Variants in EPHA10 observed in about 807,000 individuals in gnomAD.
EPHA10 encodes EPH receptor A10, also known as ephrin type-A receptor 10.
EPHA10 carries 120 observed loss-of-function variants against 109.7 expected under a neutral mutation model. That is an observed-to-expected ratio of 1.09 (90% confidence interval 0.94 to 1.27). The LOEUF (loss-of-function observed/expected upper bound fraction) is 1.27. EPHA10 is among the 50% of genes most tolerant of loss of function. The probability of loss-of-function intolerance (pLI) is 0.00; values close to 1 mark genes in which losing one functional copy is unlikely to be tolerated. For missense variants in EPHA10, 1,396 were observed against 1,411.1 expected, an observed-to-expected ratio of 0.99 and a Z score of 0.17; for synonymous variants, 640 against 618.9, an observed-to-expected ratio of 1.03 and a Z score of -0.51.
chr1:37,753,228 T>G lies in EPHA10; in HGVS notation c.1007-2A>C, dbSNP rs975356339. On this transcript the variant is annotated splice_acceptor_variant, in intron 4 of 16. Transcript: ENST00000373048. LOFTEE classifies it high-confidence loss of function. ...GGTCCCGCGGCGCCGACGGCGGCCC[T>G]GAGGCGGCACAGGGGCGGGGCGGTC... is the stretch of plus-strand genomic sequence containing the variant. The G allele has an allele frequency of 8.2e-7, 1 of 1,215,274 alleles. No individual in the cohort carries two copies. The highest frequency in any genetic ancestry group is 1.9e-5 in the African/African-American group (1 of 52,410). The allele number at this position is 1,215,274 out of a possible 1,614,324, so 75.3% of individuals were successfully genotyped here.
chr1:37,735,568 G>A (rs1646057545), intron 5 of EPHA10, among the ~76,000 whole-genome samples, 178 bp from the exon 6 acceptor site: 1 of 152,120 alleles, frequency 6.6e-6, no homozygotes, highest in African/African-American at 2.4e-5. Flanking sequence ...CAAAGGAGAG[G>A]AGTCTGTGGG....
intron 7 of EPHA10, among the ~76,000 whole-genome samples, chr1:37,728,050 C>T (rs986818277): frequency 6.6e-6 from 1 of 152,112 alleles, no homozygotes; most frequent in Non-Finnish European, 1.5e-5. Context: ...AGCAGAGGCA[C>T]AATAATTTCT....
rs887880738 is a variant in EPHA10, at chr1:37,764,209, C to G, written c.106+752G>C. On this transcript the variant is annotated intron_variant, in intron 1 of 16. Transcript: ENST00000373048. This position sits in a 1 kb window ranked among gnomAD's most constrained non-coding sequence, Gnocchi z 5.8. ...AGGACCGCCGACGGCTTTCCGAGAT[C>G]CGCGCAACTGACAGCACATCGGAAT... 4.6e-5 allele frequency among the ~76,000 whole-genome samples: 7 copies of G among 152,142 alleles called. No individual in the cohort carries two copies. Among genetic ancestry groups the G allele is most frequent in the African/African-American group, 1.7e-4 (7 of 41,428 alleles).
chr1:37,753,818 A>C (rs1485871805), intron 4 of EPHA10, among the ~76,000 whole-genome samples: 4 of 150,328 alleles, frequency 2.7e-5, no homozygotes, highest in Admixed American at 2.0e-4. Context: ...GCAGTTGGTG[A>C]GGATTTGGGA....
In EPHA10 at chr1:37,753,142, T is replaced by G; in HGVS notation, c.1091A>C (p.Asp364Ala). 2.1e-6 allele frequency: 3 copies of G among 1,406,822 alleles called. No individual in the cohort carries two copies. Among genetic ancestry groups the G allele is most frequent in the Non-Finnish European group, 2.8e-6 (3 of 1,080,250 alleles). 87.1% of individuals were successfully genotyped at this position (1,406,822 alleles called of 1,614,324 possible). The change falls in exon 5 of 17, where the codon GAC becomes GCC. Residue 364 changes from aspartate to alanine, a missense_variant. Coordinates refer to ENST00000373048, the MANE Select transcript of EPHA10 (RefSeq NM_001099439.2). Reference sequence around the variant, plus strand: ...GGTGACGTCCGAGCGGCCTCCCGAGTCGGCCGGCGGCAGCCAGCGCAGTCG... The same window carrying G: ...GGTGACGTCCGAGCGGCCTCCCGAGGCGGCCGGCGGCAGCCAGCGCAGTCG... ...VLRLRWLPPA[D>A]SGGRSDVTYS...
chr1:37,733,974 A>AGT (rs1646029760), intron 6 of EPHA10, among the ~76,000 whole-genome samples: 1 of 152,160 alleles, frequency 6.6e-6, no homozygotes, highest in Admixed American at 6.5e-5. Context: ...CATCTCAGTC[A>AGT]GTGGTACCTC....
intron 3 of EPHA10, 65 bp downstream of exon 3, chr1:37,761,337 GCAC>G: frequency 6.4e-7 from 1 of 1,573,564 alleles, no homozygotes. Context: ...TTCCTCTAGG[GCAC>G]ACTCTCTCTC....
intron 4 of EPHA10, 120 bp from the exon 5 acceptor site, chr1:37,753,346 G>A (rs1646359658): frequency 3.3e-6 from 2 of 615,060 alleles, no homozygotes; most frequent in African/African-American, 1.9e-5. Flanking sequence ...AAGCAGGGGC[G>A]CGAGGGTCAG....
At position 37,719,463 on chromosome 1, in the gene EPHA10, T is replaced by C. The variant is rs1279390826; in HGVS notation, c.2707A>G (p.Met903Val). 4.3e-6 allele frequency: 7 copies of C among 1,613,790 alleles called. No homozygotes were observed. The highest frequency in any genetic ancestry group is 2.2e-5 in the East Asian group (1 of 44,888). Residue 903 changes from methionine to valine, a missense_variant, in exon 15 of 17, where the codon ATG (methionine) becomes GTG (valine). Coordinates refer to ENST00000373048, the MANE Select transcript of EPHA10 (RefSeq NM_001099439.2). ...TTGGGGGGCTCTGGGTCCTGCACCATCTTGCTCAGGATGCTGTGGATCTGG... is the reference window on the plus strand; with the variant it reads ...TTGGGGGGCTCTGGGTCCTGCACCACCTTGCTCAGGATGCTGTGGATCTGG... ...FSQIHSILSK[M>V]VQDPEPPKCA...
At chr1:37,721,599 CCAT>C (rs1645797500) in intron 11 of EPHA10, 58 bp downstream of exon 11, 2 of 1,503,568 alleles carry the variant, frequency 1.3e-6, no homozygotes, top group Non-Finnish European at 1.8e-6. Flanking sequence ...AACTCCCACA[CCAT>C]CATTTCCACC....
intron 5 of EPHA10, among the ~76,000 whole-genome samples, chr1:37,742,003 A>G (rs1281097500): frequency 6.6e-6 from 1 of 152,232 alleles, no homozygotes; most frequent in Non-Finnish European, 1.5e-5. Context: ...AAAGGAGGCT[A>G]GAAATGTCCA....
chr1:37,762,162 T>G, intron 2 of EPHA10, 79 bp from the exon 3 acceptor site: 2 of 1,368,734 alleles, frequency 1.5e-6, no homozygotes, highest in South Asian at 1.4e-5. Flanking sequence ...TGACTCCTGC[T>G]TTCTCTCTCA....
chr1:37,731,682 C>A, intron 6 of EPHA10, 100 bp from the exon 7 acceptor site: 1 of 1,342,838 alleles, frequency 7.4e-7, no homozygotes, highest in Non-Finnish European at 1.0e-6. Flanking sequence ...AGCGCCCTTA[C>A]GTGAATGTGG....
intron 7 of EPHA10, among the ~76,000 whole-genome samples, chr1:37,730,126 C>T (rs1030267217): frequency 6.6e-6 from 1 of 152,198 alleles, no homozygotes; most frequent in Non-Finnish European, 1.5e-5. Flanking sequence ...CAGAATGCCT[C>T]CCTGCCCATC....
rs949336421 is a variant in EPHA10 at position 37,764,886 on chromosome 1, C to T, written c.106+75G>A. 2 of 1,349,032 alleles carry T rather than the reference C, an allele frequency of 1.5e-6. No individual in the cohort carries two copies. Among genetic ancestry groups the T allele is most frequent in the Admixed American group, 2.1e-5 (1 of 48,114 alleles). The allele number at this position is 1,349,032 out of a possible 1,614,324, so 83.6% of individuals were successfully genotyped here. On this transcript the variant is annotated intron_variant, in intron 1 of 16. Transcript: ENST00000373048. The surrounding 1 kb of genome is among the most constrained non-coding windows in gnomAD (Gnocchi z 5.8). ...ACTCTAGTCTCTCCAATGACTCCTT[C>T]CCCCAGAACCCCCATCGCCAGCCCC...
chr1:37,731,723 T>A, intron 6 of EPHA10, 141 bp from the exon 7 acceptor site: 1 of 870,756 alleles, frequency 1.1e-6, no homozygotes, highest in Non-Finnish European at 1.7e-6. Flanking sequence ...CTCAATCATC[T>A]TGGGGTTTCC....
At chr1:37,719,697 GACAC>G (rs149811548) in intron 14 of EPHA10, 90 bp from the exon 15 acceptor site, 31 of 1,414,494 alleles carry the variant, frequency 2.2e-5, no homozygotes, top group Middle Eastern at 5.0e-4. Context: ...CACAGACACA[GACAC>G]ACACACACAC....
chr1:37,719,633 G>C, intron 14 of EPHA10, 26 bp from the exon 15 acceptor site: 1 of 1,611,136 alleles, frequency 6.2e-7, no homozygotes, highest in East Asian at 2.2e-5. Flanking sequence ...GGGGAGCAGA[G>C]AGGAGGCTCT....
chr1:37,740,595 G>A (rs1370236390), intron 5 of EPHA10, among the ~76,000 whole-genome samples: 3 of 152,132 alleles, frequency 2.0e-5, no homozygotes, highest in African/African-American at 2.4e-5. Flanking sequence ...GTGAGCCACC[G>A]TGCCCAGCCA....
Sources: allele counts gnomAD v4.1 joint callset (sites outside exome capture counted in the v4.1 genomes callset), GRCh38; gene constraint gnomAD v4.1.1; non-coding constraint Gnocchi (gnomAD v3.1); transcripts MANE v1.5; gene names NCBI Gene and HGNC (gene_info 2026-07-23, HGNC 2026-07-21).